Variants in LMO1 observed in about 807,000 individuals in gnomAD.
The protein encoded by LMO1 is rhombotin-1.
In LMO1, 10 loss-of-function variants were observed where a neutral mutation model predicts 18.0. The ratio of observed to expected loss-of-function variants is 0.55; its 90% CI spans 0.34 to 0.94. The LOEUF (loss-of-function observed/expected upper bound fraction) is 0.94, where lower values mean the gene tolerates loss of function less well. LMO1 is among the 40% of genes least tolerant of loss of function. The probability of loss-of-function intolerance (pLI) is 0.02; values close to 1 mark genes in which losing one functional copy is unlikely to be tolerated. For synonymous variants in LMO1, 77 were observed against 77.9 expected, an observed-to-expected ratio of 0.99 and a Z score of 0.06; for missense variants, 183 against 205.7, an observed-to-expected ratio of 0.89 and a Z score of 0.68.
chr11:8,225,411 A>AG (rs1383001499), intron 3 of LMO1, among the ~76,000 whole-genome samples: 5 of 136,812 alleles, frequency 3.7e-5, no homozygotes, highest in African/African-American at 1.4e-4. Context: ...TCTCAAAAAA[A>AG]AAAAAAAAAA....
At chr11:8,252,172 C>T (rs753206278) in intron 1 of LMO1, among the ~76,000 whole-genome samples, 1 of 152,196 alleles carries the variant, frequency 6.6e-6, no homozygotes, top group Non-Finnish European at 1.5e-5. Context: ...AACATGCCAA[C>T]TTGCTGGGGT....
At chr11:8,231,418 G>A (rs946774408) in intron 1 of LMO1, among the ~76,000 whole-genome samples, 1 of 152,358 alleles carries the variant, frequency 6.6e-6, no homozygotes, top group Middle Eastern at 3.4e-3. Flanking sequence ...ACAGAGGCAC[G>A]GGTTCCTAGT....
upstream of LMO1, among the ~76,000 whole-genome samples, chr11:8,264,052 T>C (rs1847235122): frequency 6.6e-6 from 1 of 152,014 alleles, no homozygotes; most frequent in Non-Finnish European, 1.5e-5. Context: ...TGGTCTTCAA[T>C]GATTGTCTGG....
chr11:8,237,087 C>A (rs979901755), intron 1 of LMO1, among the ~76,000 whole-genome samples: 4 of 151,844 alleles, frequency 2.6e-5, no homozygotes, highest in Admixed American at 6.6e-5. Context: ...CCTCATGGAC[C>A]CACGTGCAAC....
At chr11:8,261,867 T>A (rs1847191532) in intron 1 of LMO1, among the ~76,000 whole-genome samples, 1 of 152,090 alleles carries the variant, frequency 6.6e-6, no homozygotes, top group Non-Finnish European at 1.5e-5. Context: ...GAAGACATAT[T>A]GAAGATGATG....
intron 1 of LMO1, among the ~76,000 whole-genome samples, chr11:8,233,553 C>G (rs982415987): frequency 6.6e-6 from 1 of 152,166 alleles, no homozygotes; most frequent in Admixed American, 6.5e-5. Flanking sequence ...CTGCTCTCAC[C>G]GGGCTGGTCC....
At chr11:8,228,822 C>T (rs569932567) in intron 2 of LMO1, among the ~76,000 whole-genome samples, 1 of 152,138 alleles carries the variant, frequency 6.6e-6, no homozygotes, top group Non-Finnish European at 1.5e-5. Flanking sequence ...AGTCAGCCCC[C>T]AGGTGATGCC....
intron 1 of LMO1, among the ~76,000 whole-genome samples, chr11:8,255,154 A>G (rs1296944409): frequency 1.3e-5 from 2 of 152,142 alleles, no homozygotes; most frequent in East Asian, 3.9e-4. Flanking sequence ...TTTGGCCGAT[A>G]GAATGCAGCA....
intron 1 of LMO1, among the ~76,000 whole-genome samples, chr11:8,234,502 G>A (rs1363229388): frequency 2.6e-5 from 4 of 152,136 alleles, no homozygotes; most frequent in Non-Finnish European, 5.9e-5. Context: ...AAGCCCACAG[G>A]CTCCAGTACT....
At chr11:8,225,214 C>T (rs2134506710) in intron 3 of LMO1, among the ~76,000 whole-genome samples, 1 of 151,742 alleles carries the variant, frequency 6.6e-6, no homozygotes, top group Admixed American at 6.6e-5. Flanking sequence ...GAGTTTAAGA[C>T]CAGCCTGGCC....
intron 1 of LMO1, among the ~76,000 whole-genome samples, chr11:8,251,336 C>T (rs1282572608): frequency 6.6e-6 from 1 of 152,168 alleles, no homozygotes; most frequent in Admixed American, 6.5e-5. Flanking sequence ...TATGGGAGTG[C>T]TCCAGCCCAC....
intron 1 of LMO1, among the ~76,000 whole-genome samples, chr11:8,259,513 C>A (rs1847152043): frequency 6.6e-6 from 1 of 152,220 alleles, no homozygotes; most frequent in African/African-American, 2.4e-5. Flanking sequence ...AGGCACTGGG[C>A]AAGTGCACAA....
intron 1 of LMO1, among the ~76,000 whole-genome samples, chr11:8,245,534 G>A (rs762306924): frequency 1.3e-4 from 20 of 152,168 alleles, no homozygotes; most frequent in Non-Finnish European, 2.6e-4. Context: ...GCAAAGATCC[G>A]TACTAACCCC....
At chr11:8,248,713 C>T in intron 1 of LMO1, among the ~76,000 whole-genome samples, 1 of 152,238 alleles carries the variant, frequency 6.6e-6, no homozygotes, top group East Asian at 1.9e-4. Context: ...AGAAAGAACA[C>T]TGGCCCAGAG....
At chr11:8,248,545 A>G (rs530589) in intron 1 of LMO1, among the ~76,000 whole-genome samples, 151,446 of 152,380 alleles carry the variant, frequency 0.99, 75,270 homozygotes, top group East Asian at 1. Context: ...CAGACTCCAC[A>G]GAGGTGCTCT....
intron 1 of LMO1, among the ~76,000 whole-genome samples, chr11:8,249,405 C>T (rs1846949928): frequency 6.6e-6 from 1 of 152,214 alleles, no homozygotes; most frequent in Non-Finnish European, 1.5e-5. Context: ...CTCCCATTTG[C>T]TCTCCACAGA....
At chr11:8,246,072 C>G (rs755523094) in intron 1 of LMO1, among the ~76,000 whole-genome samples, 1 of 152,126 alleles carries the variant, frequency 6.6e-6, no homozygotes, top group Non-Finnish European at 1.5e-5. Context: ...GGGAGCCATC[C>G]CCGTGATCCA....
chr11:8,234,051 C>T (rs1003985151), intron 1 of LMO1, among the ~76,000 whole-genome samples: 5 of 152,278 alleles, frequency 3.3e-5, no homozygotes, highest in South Asian at 2.1e-4. Flanking sequence ...CAGATGCATG[C>T]GCTGGGCCCA....
chr11:8,235,849 C>T (rs1304336513), intron 1 of LMO1, among the ~76,000 whole-genome samples: 1 of 152,216 alleles, frequency 6.6e-6, no homozygotes, highest in Non-Finnish European at 1.5e-5. Context: ...ATGTGATGTG[C>T]TAAGGACTAA....
Sources: allele counts gnomAD v4.1 joint callset (sites outside exome capture counted in the v4.1 genomes callset), GRCh38; gene constraint gnomAD v4.1.1; transcripts MANE v1.5; gene names NCBI Gene and HGNC (gene_info 2026-07-23, HGNC 2026-07-21).